The following KIF16B variants were observed in gnomAD, a reference collection of about 807,000 sequenced individuals.
The protein encoded by KIF16B is kinesin family member 16B.
KIF16B carries 98 observed loss-of-function variants against 156.3 expected under a neutral mutation model. The ratio of observed to expected loss-of-function variants is 0.63; its 90% confidence interval spans 0.53 to 0.74. The LOEUF (loss-of-function observed/expected upper bound fraction) is 0.74. Among genes scored for constraint, KIF16B ranks in the 30% least tolerant of loss-of-function variants. The pLI is 0.00. For missense variants in KIF16B, 1,421 were observed against 1,606.5 expected, an observed-to-expected ratio of 0.88 and a Z score of 1.97; for synonymous variants, 564 against 583.7, an observed-to-expected ratio of 0.97 and a Z score of 0.49.
intron 17 of KIF16B, among the ~76,000 whole-genome samples, chr20:16,386,318 T>C (rs1225446637): frequency 1.3e-5 from 2 of 151,978 alleles, no homozygotes; most frequent in African/African-American, 2.4e-5. Context: ...AGAGGGTATC[T>C]AAAGAAAGAG....
chr20:16,437,771 T>A (rs1375864436), intron 12 of KIF16B, among the ~76,000 whole-genome samples: 7 of 152,154 alleles, frequency 4.6e-5, no homozygotes, highest in East Asian at 3.9e-4. Context: ...GTGTGAAGAA[T>A]CACTCATGAA....
chr20:16,313,432 T>C (rs756131713), intron 24 of KIF16B, among the ~76,000 whole-genome samples: 77 of 152,164 alleles, frequency 5.1e-4, no homozygotes, highest in Non-Finnish European at 9.8e-4. Flanking sequence ...AAACATAGTA[T>C]TAAAGTATAA....
At chr20:16,354,286 A>G (rs1246379213) in intron 23 of KIF16B, among the ~76,000 whole-genome samples, 1 of 152,212 alleles carries the variant, frequency 6.6e-6, no homozygotes, top group Admixed American at 6.5e-5. Flanking sequence ...AGTAAAATAA[A>G]TCCGTGTACC....
At chr20:16,340,306 C>A (rs566599168) in intron 23 of KIF16B, among the ~76,000 whole-genome samples, 7 of 152,340 alleles carry the variant, frequency 4.6e-5, no homozygotes, top group Middle Eastern at 3.4e-3. Flanking sequence ...AAATTGCATC[C>A]TCTTTCCCAT....
chr20:16,554,806 C>T (rs749172170), intron 1 of KIF16B, among the ~76,000 whole-genome samples: 5 of 152,248 alleles, frequency 3.3e-5, no homozygotes, highest in African/African-American at 4.8e-5. Flanking sequence ...TACCACATTC[C>T]CCAGTGCCAG....
chr20:16,356,858 C>T (rs985440237), intron 22 of KIF16B, among the ~76,000 whole-genome samples: 2 of 152,230 alleles, frequency 1.3e-5, no homozygotes, highest in African/African-American at 4.8e-5. Context: ...GACAGCTATA[C>T]TTATAAAGCT....
At chr20:16,400,436 T>C (rs978394238) in intron 17 of KIF16B, among the ~76,000 whole-genome samples, 3 of 152,184 alleles carry the variant, frequency 2.0e-5, no homozygotes, top group Admixed American at 6.5e-5. Flanking sequence ...GCAGCTGTTG[T>C]GGAAAATAGC....
At chr20:16,322,245 G>T (rs2122800157) in intron 24 of KIF16B, among the ~76,000 whole-genome samples, 1 of 151,970 alleles carries the variant, frequency 6.6e-6, no homozygotes, top group South Asian at 2.1e-4. Flanking sequence ...TCAATAATTT[G>T]AGGCCTACCG....
At chr20:16,335,404 T>C (rs1300818557) in intron 24 of KIF16B, among the ~76,000 whole-genome samples, 1 of 152,244 alleles carries the variant, frequency 6.6e-6, no homozygotes, top group Admixed American at 6.5e-5. Context: ...ATCTGATGCA[T>C]GAAATGCTTT....
rs562326401 is a variant in KIF16B at position 16,561,622 on chromosome 20, T to A, written c.47+11607A>T. On this transcript the variant is annotated intron_variant, in intron 1 of 25. Transcript: ENST00000354981. ...TTAATTACAAACAGGAAAAAAAAAA[T>A]AAAACATTACAGTGGAGAAACCCTG... 8.2e-4 allele frequency among the ~76,000 whole-genome samples: 124 copies of A among 150,922 alleles called. 1 individual carries two copies. The highest frequency in any genetic ancestry group is 2.9e-3 in the African/African-American group (120 of 41,044).
At chr20:16,298,491 GTTTA>G (rs1205125711) in intron 25 of KIF16B, among the ~76,000 whole-genome samples, 3 of 152,290 alleles carry the variant, frequency 2.0e-5, no homozygotes, top group Admixed American at 1.3e-4. Flanking sequence ...AGGTTTTCTA[GTTTA>G]TTTGTGTAGA....
intron 22 of KIF16B, among the ~76,000 whole-genome samples, chr20:16,365,969 T>G (rs896692892): frequency 6.6e-6 from 1 of 152,042 alleles, no homozygotes; most frequent in African/African-American, 2.4e-5. Flanking sequence ...ACTCTAGATT[T>G]AGGAGAACAC....
chr20:16,551,099 A>G (rs996912125), intron 1 of KIF16B, among the ~76,000 whole-genome samples: 7 of 150,470 alleles, frequency 4.7e-5, no homozygotes, highest in African/African-American at 1.7e-4. Flanking sequence ...TTTAGGATTT[A>G]GTGAAGAAAC....
intron 6 of KIF16B, among the ~76,000 whole-genome samples, chr20:16,509,228 T>C (rs2068882467): frequency 6.6e-6 from 1 of 152,190 alleles, no homozygotes; most frequent in Non-Finnish European, 1.5e-5. Context: ...ACGACCAATT[T>C]AACCATGGAG....
In KIF16B at chr20:16,394,728, GA is replaced by G. The variant is rs912976250; in HGVS notation, c.1784+10084del. 1.5e-4 allele frequency among the ~76,000 whole-genome samples: 22 copies of G among 147,818 alleles called. No homozygotes were observed. In the East Asian group the frequency reaches 3.9e-3, roughly 26 times the overall value. On this transcript the variant is annotated intron_variant, in intron 17 of 25. Coordinates refer to ENST00000354981, the MANE Select transcript of KIF16B (RefSeq NM_024704.5). Reference sequence around the variant, plus strand: ...AAAAGTCCATGCTCAAGGTGAGCAAGAAAAAAAAAAGGATAAGACAAATTAT... The same window carrying G: ...AAAAGTCCATGCTCAAGGTGAGCAAGAAAAAAAAAGGATAAGACAAATTAT...
intron 23 of KIF16B, among the ~76,000 whole-genome samples, chr20:16,355,879 A>T (rs2064430995): frequency 6.6e-6 from 1 of 152,230 alleles, no homozygotes; most frequent in Non-Finnish European, 1.5e-5. Flanking sequence ...TACCAGCCAC[A>T]AGATGCACAC....
At chr20:16,314,439 G>C (rs6111048) in intron 24 of KIF16B, among the ~76,000 whole-genome samples, 1 of 152,194 alleles carries the variant, frequency 6.6e-6, no homozygotes, top group Non-Finnish European at 1.5e-5. Context: ...GTGGGTTGAA[G>C]GTAACACCAA....
At chr20:16,435,879 A>G (rs139859824) in intron 12 of KIF16B, among the ~76,000 whole-genome samples, 17 of 152,124 alleles carry the variant, frequency 1.1e-4, no homozygotes, top group African/African-American at 3.9e-4. Flanking sequence ...TTATTCTACA[A>G]TCTTTCTTTT....
chr20:16,390,051 A>T lies in KIF16B; in HGVS notation c.1785-8304T>A, dbSNP rs765410534. ...GTGTGTATCAAGATGGGGGTGGGAT[A>T]CAAGAAGTCTCACAATGCAATTTAT... On this transcript the variant is annotated intron_variant, in intron 17 of 25. Coordinates refer to ENST00000354981, the MANE Select transcript of KIF16B (RefSeq NM_024704.5). Among the ~76,000 whole-genome samples, 238 of 152,316 alleles carry T rather than the reference A, an allele frequency of 1.6e-3. 1 individual carries two copies. Among genetic ancestry groups the T allele is most frequent in the Admixed American group, 3.7e-3 (56 of 15,296 alleles).
Sources: allele counts gnomAD v4.1 joint callset (sites outside exome capture counted in the v4.1 genomes callset), GRCh38; gene constraint gnomAD v4.1.1; transcripts MANE v1.5; gene names NCBI Gene and HGNC (gene_info 2026-07-23, HGNC 2026-07-21).